The following GREM2 variants were observed in gnomAD, a reference collection of about 807,000 sequenced individuals.
GREM2 encodes gremlin 2, DAN family BMP antagonist.
In GREM2, 11 loss-of-function variants were observed where a neutral mutation model predicts 14.2. The ratio of observed to expected loss-of-function variants is 0.78; its 90% CI spans 0.49 to 1.28. The LOEUF is 1.28. Among genes scored for constraint, GREM2 ranks in the 50% most tolerant of loss-of-function variants. GREM2 has a pLI of 0.00. For synonymous variants in GREM2, 98 were observed against 97.6 expected (o/e 1.00, Z -0.02); for missense variants, 210 against 218.5 (o/e 0.96, Z 0.24).
chr1:240,500,516 G>T (rs1359620550), intron 1 of GREM2, among the ~76,000 whole-genome samples: 2 of 152,036 alleles, frequency 1.3e-5, no homozygotes, highest in African/African-American at 4.8e-5. Flanking sequence ...TGTTGGCCAG[G>T]CTGGTCTCGA....
At chr1:240,503,670 C>G (rs1677617992) in intron 1 of GREM2, among the ~76,000 whole-genome samples, 1 of 152,200 alleles carries the variant, frequency 6.6e-6, no homozygotes, top group African/African-American at 2.4e-5. Context: ...CTGCTTTCCA[C>G]TCCCATATAG....
Position 240,606,140 on chromosome 1 carries a change from C to T in GREM2, c.-2+5744G>A, listed in dbSNP as rs112110441. ...AGCAGATAAGCAGCAGTCTCTGATC[C>T]TAGCTCTAAATTAGCTGCAGCTGGA... On this transcript the variant is annotated intron_variant, in intron 1 of 1. Transcript: ENST00000318160. 5.1e-3 allele frequency among the ~76,000 whole-genome samples: 769 copies of T among 152,248 alleles called. 7 individuals are homozygous for T. The highest frequency in any genetic ancestry group is 0.016 in the African/African-American group (666 of 41,556).
rs565226743 is a variant in GREM2, at chr1:240,577,040, AT to A, written c.-2+34843del. On this transcript the variant is annotated intron_variant, in intron 1 of 1. Coordinates refer to ENST00000318160, the MANE Select transcript of GREM2 (RefSeq NM_022469.4). ...GATCAATGAGATTCATACTGGTAAC[AT>A]TTACACAAATTTTCCAAATTATTGT... 2.0e-5 allele frequency among the ~76,000 whole-genome samples: 3 copies of A among 152,342 alleles called. No homozygotes were observed. In the South Asian group the frequency reaches 6.2e-4, roughly 32 times the overall value.
chr1:240,572,760 T>C (rs371474047), intron 1 of GREM2, among the ~76,000 whole-genome samples: 10 of 152,304 alleles, frequency 6.6e-5, no homozygotes, highest in South Asian at 2.1e-4. Flanking sequence ...AGTCAAGCAG[T>C]TGACTGAAGT....
At chr1:240,523,586 A>G (rs1433052966) in intron 1 of GREM2, among the ~76,000 whole-genome samples, 1 of 152,174 alleles carries the variant, frequency 6.6e-6, no homozygotes, top group Non-Finnish European at 1.5e-5. Flanking sequence ...CTGCATAGTC[A>G]TTCATTAAAT....
chr1:240,603,666 GTC>G (rs1452905519), intron 1 of GREM2, among the ~76,000 whole-genome samples: 7 of 152,086 alleles, frequency 4.6e-5, no homozygotes, highest in African/African-American at 1.7e-4. Context: ...CTGCCTTAAA[GTC>G]TGATGAACCT....
intron 1 of GREM2, among the ~76,000 whole-genome samples, chr1:240,541,185 C>T (rs919346648): frequency 6.6e-6 from 1 of 152,120 alleles, no homozygotes; most frequent in Admixed American, 6.5e-5. Context: ...AAGTCTGAGT[C>T]GAAATGAAGG....
At chr1:240,517,392 T>C (rs1677977564) in intron 1 of GREM2, among the ~76,000 whole-genome samples, 1 of 152,092 alleles carries the variant, frequency 6.6e-6, no homozygotes, top group Non-Finnish European at 1.5e-5. Context: ...GTGCAAGGAG[T>C]CTCACATTTT....
At chr1:240,578,747 G>A (rs927077299) in intron 1 of GREM2, among the ~76,000 whole-genome samples, 3 of 151,594 alleles carry the variant, frequency 2.0e-5, no homozygotes, top group African/African-American at 7.3e-5. Context: ...TCACGCCACT[G>A]TACTCCAGCC....
chr1:240,520,691 T>C (rs1678064984), intron 1 of GREM2, among the ~76,000 whole-genome samples: 1 of 151,906 alleles, frequency 6.6e-6, no homozygotes, highest in Non-Finnish European at 1.5e-5. Flanking sequence ...TACAGGCACG[T>C]GCTACCATGC....
chr1:240,523,102 T>TC (rs1282868720), intron 1 of GREM2, among the ~76,000 whole-genome samples: 5 of 152,232 alleles, frequency 3.3e-5, no homozygotes, highest in African/African-American at 9.6e-5. Context: ...ATAATCAGTT[T>TC]CTTTTTTTTG....
chr1:240,574,217 G>T (rs1202132619), intron 1 of GREM2, among the ~76,000 whole-genome samples: 1 of 152,076 alleles, frequency 6.6e-6, no homozygotes, highest in Non-Finnish European at 1.5e-5. Flanking sequence ...ACTGCACCCA[G>T]CCTGAGATAG....
intron 1 of GREM2, among the ~76,000 whole-genome samples, chr1:240,571,579 C>T (rs1179215722): frequency 6.6e-6 from 1 of 152,012 alleles, no homozygotes; most frequent in Non-Finnish European, 1.5e-5. Flanking sequence ...GCCTGTAATC[C>T]CAGCTACTCA....
chr1:240,565,530 C>T (rs1373151544), intron 1 of GREM2, among the ~76,000 whole-genome samples: 3 of 151,984 alleles, frequency 2.0e-5, no homozygotes, highest in Non-Finnish European at 2.9e-5. Context: ...CTGTTGGGTA[C>T]GATCATTCCA....
At chr1:240,498,200 T>C (rs978774404) in intron 1 of GREM2, among the ~76,000 whole-genome samples, 1 of 152,178 alleles carries the variant, frequency 6.6e-6, no homozygotes, top group African/African-American at 2.4e-5. Context: ...TTAACATGTT[T>C]TCAAAACATC....
intron 1 of GREM2, among the ~76,000 whole-genome samples, chr1:240,552,295 T>G (rs974281677): frequency 6.6e-6 from 1 of 152,116 alleles, no homozygotes; most frequent in Non-Finnish European, 1.5e-5. Flanking sequence ...AGAAAGACAG[T>G]TTTGGCTGGG....
chr1:240,503,893 G>T (rs1385548185), intron 1 of GREM2, among the ~76,000 whole-genome samples: 1 of 152,186 alleles, frequency 6.6e-6, no homozygotes, highest in Admixed American at 6.5e-5. Flanking sequence ...TTGGAAGAGA[G>T]GGGTATTTAA....
intron 1 of GREM2, among the ~76,000 whole-genome samples, chr1:240,533,117 A>G (rs1027216865): frequency 2.0e-5 from 3 of 152,234 alleles, no homozygotes; most frequent in South Asian, 2.1e-4. Flanking sequence ...TGTAGTCAGC[A>G]TTATGAGATG....
intron 1 of GREM2, among the ~76,000 whole-genome samples, chr1:240,517,291 T>C (rs1276405294): frequency 6.6e-6 from 1 of 152,206 alleles, no homozygotes; most frequent in Non-Finnish European, 1.5e-5. Flanking sequence ...TCCAACTGTA[T>C]CATTTTAAGT....
Sources: gnomAD v4.1 joint callset for allele counts (sites outside exome capture counted in the v4.1 genomes callset) on GRCh38, gnomAD v4.1.1 for gene constraint, MANE v1.5 for transcripts, NCBI Gene and HGNC (gene_info 2026-07-23, HGNC 2026-07-21) for gene names.